The following PLXDC2 variants were observed in gnomAD, a reference collection of about 807,000 sequenced individuals.
PLXDC2 encodes the protein plexin domain containing 2.
PLXDC2 carries 40 observed loss-of-function variants against 68.9 expected under a neutral mutation model. The ratio of observed to expected loss-of-function variants is 0.58; its 90% confidence interval spans 0.45 to 0.76. The LOEUF is 0.76. Among genes scored for constraint, PLXDC2 ranks in the 30% least tolerant of loss-of-function variants. The pLI is 0.00. For synonymous variants in PLXDC2, 243 were observed against 234.2 expected (o/e 1.04, Z -0.34); for missense variants, 644 against 661.9 (o/e 0.97, Z 0.30).
rs80062251 is a variant in PLXDC2, at chr10:20,148,841, A to C, written c.783+939A>C. 6.9e-3 allele frequency among the ~76,000 whole-genome samples: 1,057 copies of C among 152,336 alleles called. 15 individuals carry two copies. The highest frequency in any genetic ancestry group is 0.024 in the African/African-American group (1,009 of 41,586). On this transcript the variant is annotated intron_variant, in intron 6 of 13. Coordinates refer to ENST00000377252, the MANE Select transcript of PLXDC2 (RefSeq NM_032812.9). ...TAAAAGGGATGTTGAGGATAAAGAA[A>C]GAATGCCCTTTGGTCAAATCTTCTG...
intron 4 of PLXDC2, among the ~76,000 whole-genome samples, chr10:20,127,451 G>C (rs1225450669): frequency 6.6e-6 from 1 of 152,074 alleles, no homozygotes; most frequent in Non-Finnish European, 1.5e-5. Context: ...GCTGGATTTT[G>C]GGCAAGGATC....
chr10:20,013,666 G>A (rs930071676), intron 2 of PLXDC2, among the ~76,000 whole-genome samples: 2 of 152,012 alleles, frequency 1.3e-5, no homozygotes, highest in African/African-American at 4.8e-5. Context: ...ATGTTTACAA[G>A]GTATCTCACC....
intron 1 of PLXDC2, among the ~76,000 whole-genome samples, chr10:19,976,867 C>T (rs1834466092): frequency 6.8e-6 from 1 of 147,190 alleles, no homozygotes; most frequent in Non-Finnish European, 1.5e-5. Flanking sequence ...TCCGTTTCTT[C>T]CCCTTATTTT....
intron 1 of PLXDC2, among the ~76,000 whole-genome samples, chr10:19,989,732 A>G (rs962613553): frequency 2.7e-5 from 4 of 145,868 alleles, no homozygotes; most frequent in African/African-American, 1.0e-4. Flanking sequence ...AGAGTCCTTC[A>G]ATTTTTTTAC....
Position 20,248,110 on chromosome 10 carries a change from T to G in PLXDC2, c.1473+2605T>G, listed in dbSNP as rs114680547. Among the ~76,000 whole-genome samples, 1,378 of 152,308 alleles carry G rather than the reference T, an allele frequency of 9.0e-3. 17 individuals are homozygous for G. Among genetic ancestry groups the G allele is most frequent in the African/African-American group, 0.032 (1,312 of 41,558 alleles). On this transcript the variant is annotated intron_variant, in intron 13 of 13. Coordinates refer to ENST00000377252, the MANE Select transcript of PLXDC2 (RefSeq NM_032812.9). ...CACACGTTTAAGCCTTTTCAAACTG[T>G]GCAGTTTATTTTCTGACATGGTGAA... is the stretch of plus-strand genomic sequence containing the variant.
intron 1 of PLXDC2, among the ~76,000 whole-genome samples, chr10:19,821,894 C>CT (rs1270884386): frequency 1.3e-5 from 2 of 152,054 alleles, no homozygotes; most frequent in African/African-American, 4.8e-5. Context: ...AATCTCATAT[C>CT]TTTTTTCTTT....
intron 4 of PLXDC2, among the ~76,000 whole-genome samples, chr10:20,077,062 G>A (rs1484004278): frequency 6.6e-6 from 1 of 152,050 alleles, no homozygotes; most frequent in Non-Finnish European, 1.5e-5. Context: ...TTTATAGCAA[G>A]AATTGTAGGG....
At chr10:19,897,551 C>T (rs541651788) in intron 1 of PLXDC2, among the ~76,000 whole-genome samples, 5 of 152,286 alleles carry the variant, frequency 3.3e-5, no homozygotes, top group African/African-American at 1.2e-4. Flanking sequence ...GGCCAATTCC[C>T]TTCTTTAGTC....
intron 11 of PLXDC2, 77 bp downstream of exon 11, chr10:20,217,653 G>A: frequency 7.2e-7 from 1 of 1,391,180 alleles, no homozygotes; most frequent in Non-Finnish European, 9.3e-7. Flanking sequence ...TCACTGTGTT[G>A]ACATGTACTG....
intron 2 of PLXDC2, among the ~76,000 whole-genome samples, chr10:20,034,761 C>A (rs1422846754): frequency 6.6e-6 from 1 of 152,146 alleles, no homozygotes; most frequent in Non-Finnish European, 1.5e-5. Context: ...TGTATTTTTA[C>A]CGTAACTTTT....
At chr10:20,176,244 T>C (rs1179884992) in intron 7 of PLXDC2, among the ~76,000 whole-genome samples, 1 of 152,112 alleles carries the variant, frequency 6.6e-6, no homozygotes, top group Non-Finnish European at 1.5e-5. Context: ...TAACTTCCTT[T>C]TTTCCCTCCA....
intron 1 of PLXDC2, among the ~76,000 whole-genome samples, chr10:19,972,483 G>C (rs769331989): frequency 5.1e-4 from 77 of 152,158 alleles, no homozygotes; most frequent in Non-Finnish European, 9.6e-4. Context: ...TGAAACCTAT[G>C]TATCGAGTAC....
intron 12 of PLXDC2, among the ~76,000 whole-genome samples, chr10:20,243,999 C>T (rs1260307914): frequency 6.6e-6 from 1 of 151,714 alleles, no homozygotes; most frequent in Non-Finnish European, 1.5e-5. Flanking sequence ...GTGGAGGTTG[C>T]AGTGAGCCGA....
intron 1 of PLXDC2, among the ~76,000 whole-genome samples, chr10:19,939,135 T>A (rs1280290515): frequency 1.3e-5 from 2 of 152,144 alleles, no homozygotes; most frequent in Non-Finnish European, 2.9e-5. Context: ...TAAAGATAAA[T>A]AAGGGATAAA....
intron 1 of PLXDC2, among the ~76,000 whole-genome samples, chr10:19,823,989 C>T (rs1836527351): frequency 6.6e-6 from 1 of 152,118 alleles, no homozygotes; most frequent in Admixed American, 6.5e-5. Flanking sequence ...GCCTGGCCAA[C>T]AGAGTGTGAC....
chr10:19,893,508 A>C (rs76293363), intron 1 of PLXDC2, among the ~76,000 whole-genome samples: 12,269 of 152,220 alleles, frequency 0.081, 620 homozygotes, highest in Non-Finnish European at 0.11. Context: ...ACATTGAGAG[A>C]AGTTTTCCTA....
intron 4 of PLXDC2, among the ~76,000 whole-genome samples, chr10:20,121,436 G>A (rs575165626): frequency 1.3e-5 from 2 of 152,306 alleles, no homozygotes; most frequent in East Asian, 3.9e-4. Flanking sequence ...AGCAGGGAAA[G>A]CACATGTGTT....
intron 4 of PLXDC2, among the ~76,000 whole-genome samples, chr10:20,121,679 G>C (rs1002759111): frequency 6.6e-6 from 1 of 152,132 alleles, no homozygotes; most frequent in African/African-American, 2.4e-5. Flanking sequence ...ATTGTGGAGG[G>C]AGGTATTGAG....
At chr10:20,170,404 G>T (rs1333195081) in intron 7 of PLXDC2, among the ~76,000 whole-genome samples, 1 of 152,180 alleles carries the variant, frequency 6.6e-6, no homozygotes, top group African/African-American at 2.4e-5. Context: ...TGGCCAGGAT[G>T]ATCTCGAACT....
Sources: gnomAD v4.1 joint callset for allele counts (sites outside exome capture counted in the v4.1 genomes callset) on GRCh38, gnomAD v4.1.1 for gene constraint, MANE v1.5 for transcripts, NCBI Gene and HGNC (gene_info 2026-07-23, HGNC 2026-07-21) for gene names.